Variants in IFT140 observed in about 807,000 individuals in gnomAD.
The protein encoded by IFT140 is intraflagellar transport protein 140 homolog.
A neutral mutation model predicts 164.6 loss-of-function variants in IFT140; 133 were observed. That is an observed-to-expected ratio of 0.81 (90% confidence interval 0.70 to 0.93). The LOEUF is 0.93. Among genes scored for constraint, IFT140 ranks in the 40% least tolerant of loss-of-function variants. The pLI, the probability that IFT140 is intolerant of heterozygous loss-of-function variation, is 0.00. For synonymous variants in IFT140, 860 were observed against 817.3 expected (o/e 1.05, Z -0.89); for missense variants, 2,045 against 1,972.3 (o/e 1.04, Z -0.70).
intron 21 of IFT140, 120 bp downstream of exon 21, chr16:1,525,767 C>G: frequency 9.3e-7 from 1 of 1,071,536 alleles, no homozygotes; most frequent in Non-Finnish European, 1.3e-6. Context: ...CTGCCACCAC[C>G]CTGAGACAGA....
At chr16:1,594,233 T>G (rs1435151162) in intron 4 of IFT140, among the ~76,000 whole-genome samples, 8 of 151,968 alleles carry the variant, frequency 5.3e-5, no homozygotes, top group Non-Finnish European at 1.0e-4. Context: ...TTTGTTTTTT[T>G]TTTTTGAGAC....
At chr16:1,602,904 C>T (rs538997033) in intron 3 of IFT140, among the ~76,000 whole-genome samples, 1 of 152,278 alleles carries the variant, frequency 6.6e-6, no homozygotes, top group South Asian at 2.1e-4. Context: ...CGCACCACTG[C>T]ACTCCAGCCT....
At chr16:1,609,544 T>C (rs764428307) in intron 2 of IFT140, among the ~76,000 whole-genome samples, 1 of 152,220 alleles carries the variant, frequency 6.6e-6, no homozygotes, top group Non-Finnish European at 1.5e-5. Flanking sequence ...AGGCACCCAG[T>C]ATTCCCACCT....
At chr16:1,517,591 G>A (rs556215140) in intron 30 of IFT140, among the ~76,000 whole-genome samples, 2 of 152,234 alleles carry the variant, frequency 1.3e-5, no homozygotes, top group East Asian at 1.9e-4. Flanking sequence ...AGAACACTGC[G>A]GCTGAATAAG....
rs552141082 is a variant in IFT140 at position 1,513,965 on chromosome 16, A to G, written c.4183-2815T>C. ...TGGGATTACAGGCGTGAGCCACTGC[A>G]CCCGGCTGCTTCTCACAACTTTCTG... On this transcript the variant is annotated intron_variant, in intron 30 of 30. Coordinates refer to ENST00000426508, the MANE Select transcript of IFT140 (RefSeq NM_014714.4). Among the ~76,000 whole-genome samples, 531 of 150,626 alleles carry G rather than the reference A, an allele frequency of 3.5e-3. 2 individuals carry two copies. Among genetic ancestry groups the G allele is most frequent in the South Asian group, 9.4e-3 (44 of 4,702 alleles).
intron 13 of IFT140, among the ~76,000 whole-genome samples, chr16:1,572,076 C>A (rs1030687722): frequency 2.6e-5 from 4 of 151,980 alleles, no homozygotes; most frequent in African/African-American, 9.7e-5. Flanking sequence ...GTCCCACCCG[C>A]GAAAAGCCCC....
intron 3 of IFT140, among the ~76,000 whole-genome samples, chr16:1,602,842 A>G (rs567624388): frequency 6.6e-6 from 1 of 152,316 alleles, no homozygotes; most frequent in South Asian, 2.1e-4. Flanking sequence ...CGGGAGGCTA[A>G]GGCAGGAGAA....
At position 1,589,496 on chromosome 16, in the gene IFT140, T is replaced by A. The variant is rs995643184; in HGVS notation, c.810+109A>T. ...ACGTTAGCCGCCCTAACTCAGTTGA[T>A]AGGCTTTTTTTCAGTCTTGCTATCC... On this transcript the variant is annotated intron_variant, in intron 7 of 30. Coordinates refer to ENST00000426508, the MANE Select transcript of IFT140 (RefSeq NM_014714.4). 9.0e-6 allele frequency: 10 copies of A among 1,117,064 alleles called. No homozygotes were observed. In the Admixed American group the frequency reaches 1.7e-4, roughly 19 times the overall value. The allele number at this position is 1,117,064 out of a possible 1,614,324, so 69.2% of individuals were successfully genotyped here.
chr16:1,534,002 G>C (rs983472860), intron 19 of IFT140: 117 of 491,078 alleles, frequency 2.4e-4, no homozygotes, highest in Non-Finnish European at 5.0e-5. Context: ...CCTGGCCCTG[G>C]GTTCTTGCTG....
At chr16:1,567,847 A>C (rs2033803251) in intron 15 of IFT140, among the ~76,000 whole-genome samples, 1 of 152,172 alleles carries the variant, frequency 6.6e-6, no homozygotes, top group African/African-American at 2.4e-5. Context: ...AGGGCTCTCC[A>C]ACAGTCCTGT....
chr16:1,568,282 C>T lies in IFT140; in HGVS notation c.1705G>A (p.Val569Met). Residue 569 changes from valine to methionine, a missense_variant, in exon 15 of 31, where the codon GTG (valine) becomes ATG (methionine). Transcript: ENST00000426508. ...CRSLAELVPG[V>M]GGIASLRCSS... ...CACCGCAGAGAAGCGATGCCCCCCACCCCAGGGACCAGCTCCGCCAGGCTC... is the reference window on the plus strand; with the variant it reads ...CACCGCAGAGAAGCGATGCCCCCCATCCCAGGGACCAGCTCCGCCAGGCTC... 1 of 1,613,588 alleles carries T rather than the reference C, an allele frequency of 6.2e-7. No homozygotes were observed. The highest frequency in any genetic ancestry group is 8.5e-7 in the Non-Finnish European group (1 of 1,179,968).
intron 10 of IFT140, 67 bp downstream of exon 10, chr16:1,586,063 G>A (rs923760733): frequency 3.2e-5 from 51 of 1,589,666 alleles, no homozygotes; most frequent in South Asian, 1.7e-4. Context: ...GAGCCACCGC[G>A]CCCGGCCATG....
chr16:1,564,174 AG>A lies in IFT140; in HGVS notation c.1902-13del. ...CAAAGAGGTGGCTCCTAAAAGACAA[AG>A]GAAGACCCGTTTCAACCCCAGGGCG... On this transcript the variant is annotated splice_polypyrimidine_tract_variant and intron_variant, in intron 16 of 30. Transcript: ENST00000426508. The surrounding 1 kb of genome is among the most constrained non-coding windows in gnomAD (Gnocchi z 5.5). 1 of 1,555,594 alleles carries A rather than the reference AG, an allele frequency of 6.4e-7. No individual in the cohort carries two copies. Among genetic ancestry groups the A allele is most frequent in the Non-Finnish European group, 8.8e-7 (1 of 1,141,264 alleles).
chr16:1,597,353 G>T (rs1049649845), intron 4 of IFT140, among the ~76,000 whole-genome samples: 1 of 152,214 alleles, frequency 6.6e-6, no homozygotes, highest in African/African-American at 2.4e-5. Context: ...CACTTGGCCC[G>T]AGCTGGACTT....
chr16:1,570,700 G>C (rs1348222197), intron 14 of IFT140, among the ~76,000 whole-genome samples: 2 of 152,112 alleles, frequency 1.3e-5, no homozygotes, highest in Non-Finnish European at 2.9e-5. Context: ...CATACATTTG[G>C]TAACACAGTG....
intron 3 of IFT140, among the ~76,000 whole-genome samples, chr16:1,604,875 AG>A (rs2035980759): frequency 6.6e-6 from 1 of 151,912 alleles, no homozygotes; most frequent in Non-Finnish European, 1.5e-5. Flanking sequence ...ACCAGGATAA[AG>A]GGGGTGACTT....
At chr16:1,561,748 C>T (rs961893318) in intron 18 of IFT140, among the ~76,000 whole-genome samples, 2 of 152,222 alleles carry the variant, frequency 1.3e-5, no homozygotes, top group African/African-American at 4.8e-5. Flanking sequence ...CTCATTAGCA[C>T]GAGTTCTCTC....
In IFT140 at chr16:1,584,238, G is replaced by A. The variant is rs781745982; in HGVS notation, c.1338C>T (p.Ile446=). The A allele has an allele frequency of 1.9e-5, 30 of 1,613,640 alleles. No homozygotes were observed. In the East Asian group the frequency reaches 3.3e-4, roughly 18 times the overall value. The part of the protein sequence containing the change: ...VAHSLRTDMH[I]SGVFATKDAV... ...TCACCTTGGTGGCAAACACTCCACT[G>A]ATGTGCATGTCGGTGCGCAGGCTGT... The change falls in exon 11 of 31, where the codon ATC becomes ATT. Residue 446 remains isoleucine, a synonymous_variant. Transcript: ENST00000426508.
intron 30 of IFT140, among the ~76,000 whole-genome samples, chr16:1,512,200 G>T (rs2040187240): frequency 8.6e-6 from 1 of 115,674 alleles, no homozygotes; most frequent in Non-Finnish European, 1.8e-5. Context: ...CGGCATAGGT[G>T]GGTGGGGGGC....
Sources: gnomAD v4.1 joint callset for allele counts (sites outside exome capture counted in the v4.1 genomes callset) on GRCh38, gnomAD v4.1.1 for gene constraint, Gnocchi (gnomAD v3.1) non-coding constraint, MANE v1.5 for transcripts, NCBI Gene and HGNC (gene_info 2026-07-23, HGNC 2026-07-21) for gene names.